The following EIF2AK4 variants were observed in gnomAD, a reference collection of about 807,000 sequenced individuals.
The protein encoded by EIF2AK4 is eukaryotic translation initiation factor 2 alpha kinase 4, also known as eIF-2-alpha kinase GCN2.
A neutral mutation model predicts 211.1 loss-of-function variants in EIF2AK4; 139 were observed. That is an observed-to-expected ratio of 0.66 (90% CI 0.57 to 0.76). EIF2AK4 has a LOEUF of 0.76. Ranked by LOEUF, EIF2AK4 falls within the 30% of genes least tolerant of loss-of-function variation. EIF2AK4 has a pLI of 0.00. For missense variants in EIF2AK4, 1,664 were observed against 2,043.8 expected, an observed-to-expected ratio of 0.81 and a Z score of 3.58; for synonymous variants, 710 against 751.3, an observed-to-expected ratio of 0.94 and a Z score of 0.90.
intron 2 of EIF2AK4, among the ~76,000 whole-genome samples, chr15:39,942,436 A>T (rs993131034): frequency 1.3e-5 from 2 of 152,234 alleles, no homozygotes; most frequent in African/African-American, 4.8e-5. Context: ...TATCTATAGA[A>T]ATAGATAATG....
Position 40,034,212 on chromosome 15 carries a change from T to A in EIF2AK4, c.4774-114T>A, listed in dbSNP as rs1051110461. ...GTTCTGCTATCTCCCTATTACTGAT[T>A]CTCCTGGTATACTTGAAGAGGGAAA... On this transcript the variant is annotated intron_variant, in intron 37 of 38. Transcript: ENST00000263791. 4.4e-5 allele frequency: 34 copies of A among 778,416 alleles called. No homozygotes were observed. The Admixed American group carries it at 6.8e-4, about 16-fold the overall frequency. 48.2% of individuals were successfully genotyped at this position (778,416 alleles called of 1,614,324 possible). A position where few individuals can be genotyped will look rare whatever the true frequency, so the allele number is the denominator to read the frequency against.
intron 32 of EIF2AK4, among the ~76,000 whole-genome samples, chr15:40,024,197 A>G (rs1314794721): frequency 6.7e-6 from 1 of 148,808 alleles, no homozygotes; most frequent in African/African-American, 2.5e-5. Context: ...ACCTTTCTCC[A>G]TCCTTTTATT....
intron 36 of EIF2AK4, 71 bp downstream of exon 36, chr15:40,032,308 A>G: frequency 1.4e-6 from 2 of 1,416,756 alleles, no homozygotes; most frequent in Non-Finnish European, 2.0e-6. Flanking sequence ...CTCAGGGTTC[A>G]GAGCTTTTTT....
At chr15:40,001,633 C>CAA (rs11383908) in intron 21 of EIF2AK4, among the ~76,000 whole-genome samples, 22,747 of 120,014 alleles carry the variant, frequency 0.19, 2,607 homozygotes, top group Non-Finnish European at 0.24. Flanking sequence ...GACCCCAACT[C>CAA]AAAAAAAAAA....
intron 3 of EIF2AK4, chr15:39,946,785 C>A: frequency 1.6e-6 from 1 of 626,414 alleles, no homozygotes; most frequent in South Asian, 1.9e-5. Context: ...CTTGATCAGT[C>A]AGCAGCCATC....
At position 39,965,413 on chromosome 15, in the gene EIF2AK4, C is replaced by T. The variant is rs143890183; in HGVS notation, c.860-273C>T. Among the ~76,000 whole-genome samples, 795 of 152,242 alleles carry T rather than the reference C, an allele frequency of 5.2e-3. 5 individuals carry two copies. Among genetic ancestry groups the T allele is most frequent in the African/African-American group, 0.018 (767 of 41,550 alleles). ...TGCTGGGATTACAGGCGTGAGCCAC[C>T]ACGCCTGGCCAAACATTGGTCTCTT... On this transcript the variant is annotated intron_variant, in intron 7 of 38. Transcript: ENST00000263791.
intron 33 of EIF2AK4, 133 bp downstream of exon 33, chr15:40,026,222 A>C (rs746217546): frequency 1.3e-6 from 1 of 742,726 alleles, no homozygotes; most frequent in Non-Finnish European, 2.2e-6. Flanking sequence ...TGGGAGGCCA[A>C]GTTTGGGGAA....
At chr15:40,028,758 G>A (rs868616934) in intron 33 of EIF2AK4, among the ~76,000 whole-genome samples, 16 of 152,206 alleles carry the variant, frequency 1.1e-4, no homozygotes, top group Non-Finnish European at 4.4e-5. Context: ...AAAGACAGAG[G>A]TTTAGAAGAG....
chr15:39,943,604 T>A, intron 3 of EIF2AK4, 119 bp downstream of exon 3: 1 of 760,038 alleles, frequency 1.3e-6, no homozygotes, highest in Non-Finnish European at 2.1e-6. Flanking sequence ...ACATTGTGAT[T>A]TTTATTTATT....
chr15:39,971,723 AAAAATT>A (rs1421757777), intron 9 of EIF2AK4, among the ~76,000 whole-genome samples: 1 of 151,910 alleles, frequency 6.6e-6, no homozygotes, highest in Non-Finnish European at 1.5e-5. Context: ...TCTCAAAAAA[AAAAATT>A]AAAATTAAAA....
Position 40,035,118 on chromosome 15 carries a change from G to T in EIF2AK4, c.*34G>T. The T allele has an allele frequency of 7.0e-7, 1 of 1,425,246 alleles. No individual in the cohort carries two copies. The allele number at this position is 1,425,246 out of a possible 1,614,324, so 88.3% of individuals were successfully genotyped here. On this transcript the variant is annotated 3_prime_UTR_variant, in exon 39 of 39. Coordinates refer to ENST00000263791, the MANE Select transcript of EIF2AK4 (RefSeq NM_001013703.4). ...AACTGTCGTTAACCTCATTCAAACA[G>T]ACAGAGGCTTATACTGGAATAATGG...
chr15:39,998,645 G>A, intron 19 of EIF2AK4, 86 bp from the exon 20 acceptor site: 2 of 1,056,206 alleles, frequency 1.9e-6, no homozygotes, highest in Non-Finnish European at 1.4e-6. Context: ...TTTTATTTCT[G>A]TATTTGATTT....
At chr15:39,985,379 A>C (rs954115270) in intron 13 of EIF2AK4, among the ~76,000 whole-genome samples, 4 of 152,044 alleles carry the variant, frequency 2.6e-5, no homozygotes, top group Non-Finnish European at 5.9e-5. Flanking sequence ...AAAAGGGAGG[A>C]GTCCCTCTTT....
chr15:40,001,522 C>T lies in EIF2AK4; in HGVS notation c.3159+298C>T, dbSNP rs370202134. 1.8e-4 allele frequency among the ~76,000 whole-genome samples: 27 copies of T among 149,464 alleles called. No homozygotes were observed. The East Asian group carries it at 2.4e-3, about 13-fold the overall frequency. ...GCATGCACCTGTAATCCCAGCTACC[C>T]GGGAGGCTGAGGCAGGAGAATCGCT... On this transcript the variant is annotated intron_variant, in intron 21 of 38. Coordinates refer to ENST00000263791, the MANE Select transcript of EIF2AK4 (RefSeq NM_001013703.4).
intron 15 of EIF2AK4, among the ~76,000 whole-genome samples, chr15:39,989,514 T>G (rs1384852957): frequency 2.6e-5 from 4 of 152,230 alleles, no homozygotes; most frequent in Non-Finnish European, 5.9e-5. Flanking sequence ...CCCCCTGTGC[T>G]CTATTCCACT....
intron 4 of EIF2AK4, among the ~76,000 whole-genome samples, chr15:39,950,602 A>AG (rs1402957769): frequency 1.3e-5 from 2 of 151,934 alleles, no homozygotes; most frequent in Non-Finnish European, 1.5e-5. Context: ...AAAAAAAAAA[A>AG]AAAAGAAAAG....
At chr15:39,970,715 C>T (rs1355579266) in intron 9 of EIF2AK4, among the ~76,000 whole-genome samples, 1 of 151,894 alleles carries the variant, frequency 6.6e-6, no homozygotes, top group African/African-American at 2.4e-5. Flanking sequence ...CAATGAGACA[C>T]CCTAAGTGGA....
chr15:39,995,405 C>G (rs2035005446), intron 18 of EIF2AK4, among the ~76,000 whole-genome samples: 1 of 151,540 alleles, frequency 6.6e-6, no homozygotes, highest in Admixed American at 6.6e-5. Flanking sequence ...TTCCATTGTC[C>G]TGAAAGCGGC....
At chr15:40,000,755 G>C (rs574184469) in intron 20 of EIF2AK4, among the ~76,000 whole-genome samples, 1 of 152,178 alleles carries the variant, frequency 6.6e-6, no homozygotes, top group South Asian at 2.1e-4. Context: ...TGACAATAAG[G>C]TATAAAAACA....
Sources: gnomAD v4.1 joint callset for allele counts (sites outside exome capture counted in the v4.1 genomes callset) on GRCh38, gnomAD v4.1.1 for gene constraint, MANE v1.5 for transcripts, NCBI Gene and HGNC (gene_info 2026-07-23, HGNC 2026-07-21) for gene names.